SRBD1: variants seen among roughly 807,000 people sequenced by gnomAD.
SRBD1 encodes the protein S1 RNA binding domain 1.
Under a neutral mutation model 115.3 loss-of-function variants are expected in SRBD1, and 88 were observed. The observed-to-expected ratio is 0.76, with a 90% CI of 0.64 to 0.91. The LOEUF is 0.91. SRBD1 is among the 40% of genes least tolerant of loss of function. SRBD1 has a pLI of 0.00. For missense variants in SRBD1, 1,385 were observed against 1,177.4 expected, an observed-to-expected ratio of 1.18 and a Z score of -2.58; for synonymous variants, 509 against 407.7, an observed-to-expected ratio of 1.25 and a Z score of -2.99.
chr2:45,599,940 A>G, intron 3 of SRBD1, 105 bp from the exon 4 acceptor site: 1 of 1,291,142 alleles, frequency 7.7e-7, no homozygotes. Context: ...ACACACAATA[A>G]CTTGGAAGAA....
intron 5 of SRBD1, among the ~76,000 whole-genome samples, chr2:45,584,135 G>C (rs977409680): frequency 6.6e-6 from 1 of 152,152 alleles, no homozygotes; most frequent in East Asian, 1.9e-4. Context: ...GGCCTTCTAG[G>C]TGTGGTCAAG....
intron 14 of SRBD1, among the ~76,000 whole-genome samples, chr2:45,496,178 T>C (rs980477774): frequency 6.6e-6 from 1 of 152,206 alleles, no homozygotes; most frequent in East Asian, 1.9e-4. Context: ...CTATGTTTTG[T>C]TTTGTTTTTA....
intron 14 of SRBD1, among the ~76,000 whole-genome samples, chr2:45,493,244 T>C (rs1453362603): frequency 1.3e-5 from 2 of 152,272 alleles, no homozygotes; most frequent in Middle Eastern, 3.4e-3. Flanking sequence ...CAACGAGTAA[T>C]ACAAAGCACT....
intron 20 of SRBD1, among the ~76,000 whole-genome samples, chr2:45,392,704 T>A (rs569266879): frequency 2.6e-5 from 4 of 152,272 alleles, no homozygotes; most frequent in African/African-American, 9.6e-5. Context: ...ATGCATTTCG[T>A]TTAGTAAATG....
At chr2:45,397,642 C>T (rs759050261) in intron 19 of SRBD1, among the ~76,000 whole-genome samples, 1 of 152,202 alleles carries the variant, frequency 6.6e-6, no homozygotes, top group African/African-American at 2.4e-5. Flanking sequence ...CTTGCTGTTT[C>T]ACCCAGGGGC....
intron 10 of SRBD1, among the ~76,000 whole-genome samples, chr2:45,553,979 A>G (rs529428449): frequency 6.6e-6 from 1 of 152,336 alleles, no homozygotes; most frequent in South Asian, 2.1e-4. Context: ...CCTCTTCAGT[A>G]AAGGGTCTCC....
chr2:45,527,970 TG>T (rs2103973879), intron 14 of SRBD1, among the ~76,000 whole-genome samples: 1 of 152,004 alleles, frequency 6.6e-6, no homozygotes, highest in African/African-American at 2.4e-5. Flanking sequence ...AAAATTTCAT[TG>T]TAAATAATAG....
At chr2:45,594,616 C>A (rs1002515100) in intron 4 of SRBD1, among the ~76,000 whole-genome samples, 1 of 152,140 alleles carries the variant, frequency 6.6e-6, no homozygotes, top group African/African-American at 2.4e-5. Flanking sequence ...ATCCCCAACC[C>A]CGGATCAGGA....
intron 1 of SRBD1, among the ~76,000 whole-genome samples, chr2:45,606,340 A>G (rs1674273344): frequency 1.3e-5 from 2 of 151,932 alleles, no homozygotes; most frequent in African/African-American, 2.4e-5. Context: ...TGTATTTTTT[A>G]GTAGAGACAG....
At chr2:45,488,147 A>C (rs1670176527) in intron 15 of SRBD1, 93 bp downstream of exon 15, 12 of 1,092,300 alleles carry the variant, frequency 1.1e-5, no homozygotes, top group Non-Finnish European at 1.4e-6. Context: ...ATAACTTTTA[A>C]ATTTTCTTTG....
intron 19 of SRBD1, 99 bp downstream of exon 19, chr2:45,413,015 G>T (rs1043829619): frequency 2.2e-6 from 3 of 1,335,748 alleles, no homozygotes; most frequent in Non-Finnish European, 3.1e-6. Flanking sequence ...CACATTAAAC[G>T]GTCATATTTT....
chr2:45,521,286 AACACACACAC>A (rs71394840), intron 14 of SRBD1, among the ~76,000 whole-genome samples: 11,275 of 146,386 alleles, frequency 0.077, 721 homozygotes, highest in African/African-American at 0.18. Context: ...CAAAAAGGAA[AACACACACAC>A]ACACACACAC....
intron 14 of SRBD1, among the ~76,000 whole-genome samples, chr2:45,521,057 C>A (rs1671266166): frequency 6.6e-6 from 1 of 152,162 alleles, no homozygotes; most frequent in Non-Finnish European, 1.5e-5. Context: ...GCTCCTGCAA[C>A]TGTCTGTCCG....
intron 7 of SRBD1, among the ~76,000 whole-genome samples, chr2:45,578,621 T>C (rs1467597727): frequency 6.6e-6 from 1 of 152,158 alleles, no homozygotes; most frequent in Non-Finnish European, 1.5e-5. Context: ...TGGATTTTGT[T>C]ATCAGAGACT....
intron 16 of SRBD1, among the ~76,000 whole-genome samples, chr2:45,460,628 G>C (rs1158227271): frequency 1.3e-5 from 2 of 152,160 alleles, no homozygotes; most frequent in African/African-American, 4.8e-5. Context: ...AAGAGTAACA[G>C]ACTTTTCAAA....
chr2:45,528,123 G>T (rs576253717), intron 14 of SRBD1, among the ~76,000 whole-genome samples: 1 of 151,924 alleles, frequency 6.6e-6, no homozygotes, highest in East Asian at 1.9e-4. Context: ...ATAAACTGTT[G>T]ATTACATAAT....
At chr2:45,405,708 G>A (rs576109144) in intron 19 of SRBD1, among the ~76,000 whole-genome samples, 76 of 152,278 alleles carry the variant, frequency 5.0e-4, no homozygotes, top group Non-Finnish European at 9.1e-4. Flanking sequence ...TAAAAGTCAT[G>A]GTAGAAGGTT....
chr2:45,465,691 G>C (rs1334771994), intron 16 of SRBD1, among the ~76,000 whole-genome samples: 1 of 152,074 alleles, frequency 6.6e-6, no homozygotes, highest in Non-Finnish European at 1.5e-5. Context: ...TAAGTGAAAG[G>C]CTACACTTTT....
At chr2:45,425,881 C>A (rs1045258461) in intron 16 of SRBD1, among the ~76,000 whole-genome samples, 1 of 152,170 alleles carries the variant, frequency 6.6e-6, no homozygotes, top group Non-Finnish European at 1.5e-5. Context: ...TGGGTGCCTA[C>A]ACCATCAGGG....
Sources: gnomAD v4.1 joint callset for allele counts (sites outside exome capture counted in the v4.1 genomes callset) on GRCh38, gnomAD v4.1.1 for gene constraint, MANE v1.5 for transcripts, NCBI Gene and HGNC (gene_info 2026-07-23, HGNC 2026-07-21) for gene names.